The following NBPF9 variants were observed in gnomAD, a reference collection of about 807,000 sequenced individuals.
The protein encoded by NBPF9 is NBPF member 9.
In NBPF9, 91 loss-of-function variants were observed where a neutral mutation model predicts 97.8. The observed-to-expected ratio is 0.93, with a 90% confidence interval of 0.79 to 1.11. NBPF9 has a LOEUF of 1.11. Among genes scored for constraint, NBPF9 ranks in the 50% least tolerant of loss-of-function variants. The pLI is 0.00. For missense variants in NBPF9, 992 were observed against 939.5 expected, an observed-to-expected ratio of 1.06 and a Z score of -0.73; for synonymous variants, 334 against 359.5, an observed-to-expected ratio of 0.93 and a Z score of 0.80.
rs782609228 is a variant in NBPF9 at position 149,075,695 on chromosome 1, A to C, written c.948T>G (p.Thr316=). The change falls in exon 12 of 30, where the codon ACT becomes ACG. Residue 316 remains threonine, a synonymous_variant. Transcript: ENST00000584027. ...GGTTGGCCAGGAAGCCGGCCAGTTG[A>C]GTTAGAAAACATTTCTCTTTGAGGT... 5.0e-6 allele frequency: 8 copies of C among 1,610,096 alleles called. No individual in the cohort carries two copies. In the Middle Eastern group the frequency reaches 9.2e-4, roughly 185 times the overall value.
chr1:149,081,437 G>A (rs2080430107), intron 7 of NBPF9, among the ~76,000 whole-genome samples: 2 of 149,902 alleles, frequency 1.3e-5, no homozygotes, highest in African/African-American at 2.5e-5. Context: ...TGCTCTTGAT[G>A]CTGTCACTTA....
chr1:149,074,850 C>G (rs1325435236), intron 12 of NBPF9, among the ~76,000 whole-genome samples: 1 of 151,174 alleles, frequency 6.6e-6, no homozygotes, highest in African/African-American at 2.4e-5. Context: ...CTTGCCCTGT[C>G]GCCCAGGCTG....
chr1:149,072,714 T>A lies in NBPF9; in HGVS notation c.1306+4A>T, dbSNP rs1421179396. 1 of 1,611,644 alleles carries A rather than the reference T, an allele frequency of 6.2e-7. No homozygotes were observed. Among genetic ancestry groups the A allele is most frequent in the East Asian group, 2.2e-5 (1 of 44,846 alleles). ...TGGGTCAACAGGGCCTATGGCCACCTTACCTGGGCTGAGCTTTTGGACAAG... is the reference window on the plus strand; with the variant it reads ...TGGGTCAACAGGGCCTATGGCCACCATACCTGGGCTGAGCTTTTGGACAAG... On this transcript the variant is annotated splice_donor_region_variant and intron_variant, in intron 14 of 29. Coordinates refer to ENST00000584027, the Ensembl canonical transcript of NBPF9.
At chr1:149,067,304 GTA>G (rs1466517505) in intron 17 of NBPF9, among the ~76,000 whole-genome samples, 3 of 105,646 alleles carry the variant, frequency 2.8e-5, no homozygotes, top group East Asian at 2.7e-4. Context: ...GTGTGTATGT[GTA>G]TATATATATA....
chr1:149,085,379 G>T (rs1384728478), intron 5 of NBPF9, among the ~76,000 whole-genome samples: 4 of 152,050 alleles, frequency 2.6e-5, no homozygotes, highest in Non-Finnish European at 5.9e-5. Flanking sequence ...TTAAAATCAG[G>T]TTTGAAATCT....
chr1:149,082,957 CT>C (rs1157992196), intron 5 of NBPF9, among the ~76,000 whole-genome samples: 619 of 66,418 alleles, frequency 9.3e-3, no homozygotes, highest in South Asian at 0.047. Context: ...TTTTTCTTTT[CT>C]TTTTTTTTTT....
In NBPF9 at chr1:149,062,112, G is replaced by A. The variant is rs781912478; in HGVS notation, c.2232C>T (p.Gly744=). Reference sequence around the variant, plus strand: ...ACTCACTGTCCAAGTCAAGAGCCAAGCCAAGGTACTGTTCCTCCAATGAGT... The same window carrying A: ...ACTCACTGTCCAAGTCAAGAGCCAAACCAAGGTACTGTTCCTCCAATGAGT... Residue 744 remains glycine (G), a synonymous_variant, in exon 22 of 30, where the codon GGC becomes GGT. Transcript: ENST00000584027. 2.2e-4 allele frequency: 259 copies of A among 1,185,488 alleles called. 2 individuals carry two copies. The Middle Eastern group carries it at 3.7e-3, about 17-fold the overall frequency. 73.4% of individuals were successfully genotyped at this position (1,185,488 alleles called of 1,614,324 possible).
chr1:149,078,944 T>C, intron 9 of NBPF9, 63 bp downstream of exon 9: 3 of 1,459,114 alleles, frequency 2.1e-6, no homozygotes, highest in East Asian at 2.3e-5. Flanking sequence ...TGTGAAAGTA[T>C]GGAGGTCTGG....
chr1:149,070,401 C>A (rs1387621602), intron 16 of NBPF9, among the ~76,000 whole-genome samples: 7 of 149,688 alleles, frequency 4.7e-5, no homozygotes, highest in African/African-American at 1.2e-4. Context: ...GGGTGGAGAA[C>A]CAGGGTCCAG....
intron 7 of NBPF9, among the ~76,000 whole-genome samples, chr1:149,081,322 G>C (rs2080419404): frequency 1.3e-5 from 2 of 151,976 alleles, no homozygotes; most frequent in Non-Finnish European, 2.9e-5. Flanking sequence ...GTTTCTCCAT[G>C]TTGCCCAGGC....
intron 2 of NBPF9, among the ~76,000 whole-genome samples, chr1:149,101,692 T>C (rs2082153673): frequency 6.6e-6 from 1 of 151,366 alleles, no homozygotes; most frequent in South Asian, 2.1e-4. Context: ...CCTACTAGAA[T>C]GGCAAAATAA....
chr1:149,078,027 C>T, intron 9 of NBPF9, 72 bp from the exon 10 acceptor site: 15 of 1,539,726 alleles, frequency 9.7e-6, no homozygotes, highest in Middle Eastern at 2.3e-4. Flanking sequence ...CCAACGTGCA[C>T]AGAGACATGA....
chr1:149,101,603 A>C (rs1425740323), intron 2 of NBPF9, among the ~76,000 whole-genome samples: 1 of 151,914 alleles, frequency 6.6e-6, no homozygotes, highest in Non-Finnish European at 1.5e-5. Flanking sequence ...AAAAGAGGAC[A>C]CACAAATGAC....
chr1:149,064,042 C>T (rs1366112762), intron 19 of NBPF9, among the ~76,000 whole-genome samples: 8 of 120,320 alleles, frequency 6.6e-5, no homozygotes, highest in East Asian at 2.1e-4. Context: ...ACACACAGAG[C>T]GAGCTGAGTG....
At position 149,061,445 on chromosome 1, in the gene NBPF9, C is replaced by G; in HGVS notation, c.2252-62G>C. 5.0e-6 allele frequency: 2 copies of G among 399,920 alleles called. 1 individual carries two copies. The highest frequency in any genetic ancestry group is 8.9e-6 in the Non-Finnish European group (2 of 225,428). 24.8% of individuals were successfully genotyped at this position (399,920 alleles called of 1,614,324 possible). ...CAATTCACCTACACCCATAACAGTC[C>G]ACTGTCTAATCCCCACACAGGGATC... On this transcript the variant is annotated intron_variant, in intron 22 of 29. Transcript: ENST00000584027.
chr1:149,068,283 C>A (rs1553652202), intron 17 of NBPF9, among the ~76,000 whole-genome samples: 1 of 150,324 alleles, frequency 6.7e-6, no homozygotes, highest in East Asian at 2.1e-4. Context: ...ACAATATTAA[C>A]CTTAAATGTA....
At chr1:149,064,955 T>C (rs1302747700) in intron 18 of NBPF9, 17 of 532,868 alleles carry the variant, frequency 3.2e-5, no homozygotes, top group South Asian at 1.5e-4. Context: ...TTATGGCTTT[T>C]GTGGGTGAAA....
At chr1:149,060,366 C>T in intron 24 of NBPF9, 157 bp downstream of exon 24, 1 of 462,404 alleles carries the variant, frequency 2.2e-6, no homozygotes, top group Non-Finnish European at 4.0e-6. Context: ...TCTGGGCTTC[C>T]AGGTAGAACT....
intron 4 of NBPF9, among the ~76,000 whole-genome samples, chr1:149,097,996 A>C (rs2081901984): frequency 6.6e-6 from 1 of 151,976 alleles, no homozygotes; most frequent in South Asian, 2.1e-4. Flanking sequence ...ACATCTCCCC[A>C]CCCAGGACAG....
Sources: gnomAD v4.1 joint callset for allele counts (sites outside exome capture counted in the v4.1 genomes callset) on GRCh38, gnomAD v4.1.1 for gene constraint, MANE v1.5 for transcripts, NCBI Gene and HGNC (gene_info 2026-07-23, HGNC 2026-07-21) for gene names.